ZYG11B: variants seen among roughly 807,000 people sequenced by gnomAD.
The protein encoded by ZYG11B is zyg-11 family member B, cell cycle regulator.
A neutral mutation model predicts 82.4 loss-of-function variants in ZYG11B; 36 were observed. The observed-to-expected ratio is 0.44, with a 90% confidence interval of 0.33 to 0.58. The LOEUF (loss-of-function observed/expected upper bound fraction) is 0.58. ZYG11B is among the 20% of genes least tolerant of loss of function. The pLI is 0.02. For synonymous variants in ZYG11B, 303 were observed against 312.8 expected (o/e 0.97, Z 0.33); for missense variants, 552 against 895.6 (o/e 0.62, Z 4.90).
intron 2 of ZYG11B, among the ~76,000 whole-genome samples, chr1:52,760,665 C>T (rs997601739): frequency 2.0e-5 from 3 of 151,634 alleles, no homozygotes; most frequent in African/African-American, 7.3e-5. Context: ...GCCATGTTCC[C>T]CAGGCTGGTC....
intron 5 of ZYG11B, among the ~76,000 whole-genome samples, chr1:52,787,479 T>C (rs1420977558): frequency 1.3e-5 from 2 of 152,236 alleles, no homozygotes; most frequent in African/African-American, 4.8e-5. Flanking sequence ...GGCTTGCTAA[T>C]AGTACTATTG....
In ZYG11B at chr1:52,779,840, G is replaced by T. The variant is rs1571772867; in HGVS notation, c.952-13G>T. ...AGAGAGAATTCTAAAAGCTAATCTG[G>T]TTATGTTCACAGGTGTCTGGGGAAG... is the stretch of plus-strand genomic sequence containing the variant. On this transcript the variant is annotated splice_polypyrimidine_tract_variant and intron_variant, in intron 3 of 13. Coordinates refer to ENST00000294353, the MANE Select transcript of ZYG11B (RefSeq NM_024646.3). The T allele has an allele frequency of 6.2e-7, 1 of 1,612,092 alleles. No individual in the cohort carries two copies. The highest frequency in any genetic ancestry group is 8.5e-7 in the Non-Finnish European group (1 of 1,179,518).
intron 3 of ZYG11B, among the ~76,000 whole-genome samples, chr1:52,774,366 G>T (rs1270971857): frequency 6.8e-6 from 1 of 146,562 alleles, no homozygotes; most frequent in Non-Finnish European, 1.5e-5. Flanking sequence ...GGAGTGCAAT[G>T]GCGTGATCTC....
intron 8 of ZYG11B, among the ~76,000 whole-genome samples, chr1:52,797,654 G>A (rs895879808): frequency 5.4e-5 from 8 of 148,944 alleles, no homozygotes; most frequent in South Asian, 2.1e-4. Context: ...GACTACAGGC[G>A]CCTGCCACCA....
At chr1:52,803,105 T>TATATATACAC (rs1645094787) in intron 10 of ZYG11B, among the ~76,000 whole-genome samples, 5 of 90,068 alleles carry the variant, frequency 5.6e-5, no homozygotes, top group Middle Eastern at 5.2e-3. Context: ...TATACATATA[T>TATATATACAC]ATATATATAT....
chr1:52,779,916 T>G lies in ZYG11B; in HGVS notation c.1015T>G (p.Phe339Val). The G allele has an allele frequency of 1.2e-6, 2 of 1,614,240 alleles. No individual in the cohort carries two copies. Among genetic ancestry groups the G allele is most frequent in the Non-Finnish European group, 1.7e-6 (2 of 1,180,046 alleles). Residue 339 changes from phenylalanine (F) to valine (V), a missense_variant, in exon 4 of 14, where the codon TTC becomes GTC. Around this residue, in one of 3 missense-constraint regions of ZYG11B, gnomAD observed 359 missense variants for 555.8 expected, o/e 0.65. Transcript: ENST00000294353. ...EALKRYSERA[F>V]FVREALFHLF... is the part of the protein sequence containing the mutation. ...ACTGAAGCGTTACAGTGAACGGGCATTCTTTGTTCGGGAAGCTCTATTTCA... is the reference window on the plus strand; with the variant it reads ...ACTGAAGCGTTACAGTGAACGGGCAGTCTTTGTTCGGGAAGCTCTATTTCA...
intron 5 of ZYG11B, among the ~76,000 whole-genome samples, chr1:52,787,091 C>CA (rs11444889): frequency 0.49 from 71,891 of 147,100 alleles, 17,562 homozygotes; most frequent in East Asian, 0.62. Flanking sequence ...ACTCTTGTCT[C>CA]AAAAAAAAAA....
chr1:52,737,382 C>G (rs1213061303), intron 1 of ZYG11B, among the ~76,000 whole-genome samples: 2 of 152,112 alleles, frequency 1.3e-5, no homozygotes, highest in Non-Finnish European at 2.9e-5. Flanking sequence ...ATTGTGAGCT[C>G]TTTGAGGGCA....
chr1:52,783,851 C>T lies in ZYG11B; in HGVS notation c.1093-1026C>T, dbSNP rs370403876. Among the ~76,000 whole-genome samples the T allele has an allele frequency of 1.9e-3, 100 of 51,934 alleles. 5 individuals carry two copies. Among genetic ancestry groups the T allele is most frequent in the African/African-American group, 7.9e-3 (93 of 11,716 alleles). The allele number at this position is 51,934 out of a possible 152,430, so 34.1% of individuals were successfully genotyped here. ...ACATACGTGTGTATATGTACATACA[C>T]GTGTGTGTGTATGTACATACACGTG... On this transcript the variant is annotated intron_variant, in intron 4 of 13. Coordinates refer to ENST00000294353, the MANE Select transcript of ZYG11B (RefSeq NM_024646.3).
intron 3 of ZYG11B, among the ~76,000 whole-genome samples, chr1:52,779,035 G>C (rs1490355977): frequency 6.6e-6 from 1 of 152,118 alleles, no homozygotes; most frequent in Non-Finnish European, 1.5e-5. Flanking sequence ...TAAATCAGTG[G>C]CTCAACAAAG....
intron 3 of ZYG11B, among the ~76,000 whole-genome samples, chr1:52,779,591 A>G (rs1360452730): frequency 6.6e-6 from 1 of 152,114 alleles, no homozygotes; most frequent in Non-Finnish European, 1.5e-5. Context: ...CCTGGGTTCA[A>G]GCGATTCTCC....
At chr1:52,727,392 A>G (rs1644295144) in intron 1 of ZYG11B, among the ~76,000 whole-genome samples, 1 of 152,128 alleles carries the variant, frequency 6.6e-6, no homozygotes, top group Admixed American at 6.6e-5. Context: ...TCATTGCAAA[A>G]TCGAAGTGGT....
At chr1:52,818,166 A>C (rs1645251358) in intron 13 of ZYG11B, among the ~76,000 whole-genome samples, 2 of 151,934 alleles carry the variant, frequency 1.3e-5, no homozygotes, top group Admixed American at 6.6e-5. Context: ...GAAGTAAGGA[A>C]AAATAATTTT....
At chr1:52,803,040 AT>A (rs1300197884) in intron 10 of ZYG11B, among the ~76,000 whole-genome samples, 95 of 120,382 alleles carry the variant, frequency 7.9e-4, no homozygotes, top group Non-Finnish European at 1.2e-3. Context: ...CTACAACTTT[AT>A]TTTTTTTTTA....
At chr1:52,774,041 C>T (rs1644782272) in intron 3 of ZYG11B, among the ~76,000 whole-genome samples, 1 of 151,782 alleles carries the variant, frequency 6.6e-6, no homozygotes, top group Non-Finnish European at 1.5e-5. Context: ...GCAAAGACTG[C>T]GTTAGGAAGA....
chr1:52,773,721 C>T (rs1444199000), intron 3 of ZYG11B, among the ~76,000 whole-genome samples: 1 of 131,134 alleles, frequency 7.6e-6, no homozygotes, highest in Non-Finnish European at 1.6e-5. Flanking sequence ...TGGCTCACTA[C>T]AACCTCTGCT....
chr1:52,817,679 C>T (rs913596525), intron 13 of ZYG11B, among the ~76,000 whole-genome samples: 8 of 148,100 alleles, frequency 5.4e-5, no homozygotes, highest in African/African-American at 9.9e-5. Flanking sequence ...AGCCATCAAG[C>T]GTGGCCTAAT....
intron 8 of ZYG11B, 63 bp downstream of exon 8, chr1:52,796,847 A>G: frequency 5.4e-6 from 5 of 921,760 alleles, no homozygotes; most frequent in Middle Eastern, 2.5e-4. Flanking sequence ...TTCAGGCAGT[A>G]TTGTATATTT....
At chr1:52,819,719 G>T (rs1322121664) in intron 13 of ZYG11B, among the ~76,000 whole-genome samples, 1 of 150,696 alleles carries the variant, frequency 6.6e-6, no homozygotes, top group South Asian at 2.1e-4. Flanking sequence ...CTGGGAGGTG[G>T]AGGTTACAGT....
Sources: allele counts gnomAD v4.1 joint callset (sites outside exome capture counted in the v4.1 genomes callset), GRCh38; gene constraint gnomAD v4.1.1; regional missense constraint gnomAD v4.1.1; transcripts MANE v1.5; gene names NCBI Gene and HGNC (gene_info 2026-07-23, HGNC 2026-07-21).